Variants in FBXW7 observed in about 807,000 individuals in gnomAD.
FBXW7 encodes the protein F-box and WD repeat domain containing 7, also known as F-box/WD repeat-containing protein 7.
FBXW7 carries 11 observed loss-of-function variants against 86.3 expected under a neutral mutation model. The observed-to-expected ratio is 0.13, with a 90% CI of 0.08 to 0.21. The LOEUF (loss-of-function observed/expected upper bound fraction) is 0.21. FBXW7 is among the 10% of genes least tolerant of loss of function. FBXW7 has a pLI of 1.00. For missense variants in FBXW7, 488 were observed against 847.4 expected, an observed-to-expected ratio of 0.58 and a Z score of 5.27; for synonymous variants, 313 against 297.9, an observed-to-expected ratio of 1.05 and a Z score of -0.52.
intron 2 of FBXW7, among the ~76,000 whole-genome samples, chr4:152,433,816 A>G (rs1285753820): frequency 1.3e-5 from 2 of 152,280 alleles, no homozygotes; most frequent in African/African-American, 4.8e-5. Flanking sequence ...TATGCTTTCT[A>G]GTTCACAATC....
Position 152,330,700 on chromosome 4 carries a change from G to A in FBXW7, c.1122+32C>T, listed in dbSNP as rs761818532. The A allele has an allele frequency of 3.8e-5, 61 of 1,598,464 alleles. No individual in the cohort carries two copies. The Middle Eastern group carries it at 1.2e-3, about 31-fold the overall frequency. On this transcript the variant is annotated intron_variant, in intron 9 of 13. Coordinates refer to ENST00000281708, the MANE Select transcript of FBXW7 (RefSeq NM_001349798.2). Reference sequence around the variant, plus strand: ...ACACTAGGTACTAACACTGATTAACGGTTTCTGTTACATTGTGCAGAGTTC... The same window carrying A: ...ACACTAGGTACTAACACTGATTAACAGTTTCTGTTACATTGTGCAGAGTTC...
intron 2 of FBXW7, among the ~76,000 whole-genome samples, chr4:152,456,859 C>G (rs1579252198): frequency 6.6e-6 from 1 of 152,266 alleles, no homozygotes; most frequent in East Asian, 1.9e-4. Context: ...ATCAGCCATT[C>G]CACTCATAGC....
chr4:152,517,267 A>T (rs201776438), intron 2 of FBXW7, among the ~76,000 whole-genome samples: 2,083 of 152,256 alleles, frequency 0.014, 25 homozygotes, highest in Middle Eastern at 0.037. Context: ...ACATTATTGG[A>T]GGCAATCATC....
At chr4:152,330,119 A>T (rs1729411579) in intron 9 of FBXW7, among the ~76,000 whole-genome samples, 1 of 151,876 alleles carries the variant, frequency 6.6e-6, no homozygotes, top group Non-Finnish European at 1.5e-5. Context: ...TACAACTTTG[A>T]CACACAAGAA....
intron 4 of FBXW7, among the ~76,000 whole-genome samples, chr4:152,380,398 T>G (rs544268167): frequency 6.6e-6 from 1 of 152,176 alleles, no homozygotes; most frequent in African/African-American, 2.4e-5. Context: ...GTCAATGAGT[T>G]ATGCAATAGT....
chr4:152,451,721 G>A (rs1056955848), intron 2 of FBXW7: 2 of 151,676 alleles, frequency 1.3e-5, no homozygotes, highest in Non-Finnish European at 2.9e-5. Context: ...GAGCCCAGGA[G>A]GTGGAGGCTG....
intron 6 of FBXW7, among the ~76,000 whole-genome samples, chr4:152,338,563 CA>C (rs1408611145): frequency 7.3e-5 from 11 of 151,658 alleles, no homozygotes. Context: ...AAACAAAGGC[CA>C]AAAGAGGATA....
chr4:152,339,501 T>C (rs1730495568), intron 6 of FBXW7, among the ~76,000 whole-genome samples: 1 of 152,186 alleles, frequency 6.6e-6, no homozygotes, highest in African/African-American at 2.4e-5. Flanking sequence ...AACAAACTCA[T>C]TAATTTATTG....
At chr4:152,416,649 A>G (rs1738458738) in intron 2 of FBXW7, among the ~76,000 whole-genome samples, 1 of 152,186 alleles carries the variant, frequency 6.6e-6, no homozygotes, top group Non-Finnish European at 1.5e-5. Context: ...TCAGCACAAA[A>G]TGGGCAATAC....
intron 2 of FBXW7, among the ~76,000 whole-genome samples, chr4:152,476,976 T>C (rs551924246): frequency 3.9e-5 from 6 of 152,022 alleles, no homozygotes; most frequent in Non-Finnish European, 8.8e-5. Context: ...GCATCTGTTA[T>C]GCAATCCACA....
At chr4:152,440,934 G>T (rs571139121) in intron 2 of FBXW7, among the ~76,000 whole-genome samples, 16 of 145,494 alleles carry the variant, frequency 1.1e-4, no homozygotes, top group Admixed American at 2.7e-4. Flanking sequence ...AGTTTATACG[G>T]TTTTTTTTTT....
intron 2 of FBXW7, among the ~76,000 whole-genome samples, chr4:152,434,939 C>A (rs1740240487): frequency 7.4e-6 from 1 of 134,570 alleles, no homozygotes; most frequent in Non-Finnish European, 1.5e-5. Context: ...TCTGTTCCCC[C>A]AACCTCCTTT....
intron 2 of FBXW7, among the ~76,000 whole-genome samples, chr4:152,456,074 T>A (rs1742377700): frequency 6.6e-6 from 1 of 151,690 alleles, no homozygotes; most frequent in Non-Finnish European, 1.5e-5. Flanking sequence ...TGTGTATTCA[T>A]CAAAATAAAA....
At chr4:152,478,568 T>G (rs1744618680) in intron 2 of FBXW7, among the ~76,000 whole-genome samples, 1 of 152,100 alleles carries the variant, frequency 6.6e-6, no homozygotes, top group Non-Finnish European at 1.5e-5. Context: ...TTCAATTCTT[T>G]TGGAGATAAG....
intron 2 of FBXW7, among the ~76,000 whole-genome samples, chr4:152,452,699 T>G (rs141719132): frequency 6.6e-6 from 1 of 152,148 alleles, no homozygotes; most frequent in Non-Finnish European, 1.5e-5. Context: ...AAAAAGAAAT[T>G]ATAAGAACAG....
chr4:152,322,614 T>C lies in FBXW7; in HGVS notation c.*267A>G. 3 of 456,036 alleles carry C rather than the reference T, an allele frequency of 6.6e-6. No individual in the cohort carries two copies. Among genetic ancestry groups the C allele is most frequent in the Admixed American group, 3.9e-5 (1 of 25,966 alleles). The allele number at this position is 456,036 out of a possible 1,614,324, so 28.2% of individuals were successfully genotyped here. A position where few individuals can be genotyped will look rare whatever the true frequency, so the allele number is the denominator to read the frequency against. On this transcript the variant is annotated 3_prime_UTR_variant, in exon 14 of 14. Coordinates refer to ENST00000281708, the MANE Select transcript of FBXW7 (RefSeq NM_001349798.2). ...ATTGCACCTGGTTTGATTTAGAAAG[T>C]CTCATTTTGCAAAGCTGCCCTCAGT... is the stretch of plus-strand genomic sequence containing the variant.
At chr4:152,348,107 C>T (rs1384079540) in intron 5 of FBXW7, among the ~76,000 whole-genome samples, 2 of 151,992 alleles carry the variant, frequency 1.3e-5, no homozygotes, top group East Asian at 3.8e-4. Flanking sequence ...AGTTAACAAT[C>T]AAACTCTGAT....
chr4:152,436,190 C>G (rs543777577), intron 2 of FBXW7, among the ~76,000 whole-genome samples: 26 of 152,294 alleles, frequency 1.7e-4, no homozygotes, highest in African/African-American at 6.3e-4. Context: ...ATTAAAAGTG[C>G]TACTCCAGTG....
intron 2 of FBXW7, among the ~76,000 whole-genome samples, chr4:152,486,035 T>G (rs1323756135): frequency 6.6e-6 from 1 of 152,162 alleles, no homozygotes; most frequent in East Asian, 1.9e-4. Context: ...CATATTACTG[T>G]ACTGAATACT....
Sources: gnomAD v4.1 joint callset for allele counts (sites outside exome capture counted in the v4.1 genomes callset) on GRCh38, gnomAD v4.1.1 for gene constraint, MANE v1.5 for transcripts, NCBI Gene and HGNC (gene_info 2026-07-23, HGNC 2026-07-21) for gene names.